Variants in FAM13A observed in about 807,000 individuals in gnomAD.
FAM13A encodes the protein protein FAM13A.
In FAM13A, 76 loss-of-function variants were observed where a neutral mutation model predicts 129.6. That is an observed-to-expected ratio of 0.59 (90% confidence interval 0.49 to 0.71). The LOEUF (loss-of-function observed/expected upper bound fraction) is 0.71, where lower values mean the gene tolerates loss of function less well. FAM13A is among the 30% of genes least tolerant of loss of function. The probability of loss-of-function intolerance (pLI) is 0.00; values close to 1 mark genes in which losing one functional copy is unlikely to be tolerated. For synonymous variants in FAM13A, 443 were observed against 449.9 expected (o/e 0.98, Z 0.20); for missense variants, 1,108 against 1,249.3 (o/e 0.89, Z 1.70).
rs1288510505 is a variant in FAM13A, at chr4:88,927,433, C to T, written c.759+10655G>A. ...ACTTACTCTACTCCAATTTGGATGTCTTTTTTTTTTTTAATCTTGCTTGAT... is the reference window on the plus strand; with the variant it reads ...ACTTACTCTACTCCAATTTGGATGTTTTTTTTTTTTTTAATCTTGCTTGAT... On this transcript the variant is annotated intron_variant, in intron 5 of 23. Transcript: ENST00000264344. Among the ~76,000 whole-genome samples the T allele has an allele frequency of 1.5e-3, 210 of 136,740 alleles. 2 individuals carry two copies. Among genetic ancestry groups the T allele is most frequent in the Middle Eastern group, 7.4e-3 (2 of 272 alleles). The allele number at this position is 136,740 out of a possible 152,430, so 89.7% of individuals were successfully genotyped here.
intron 3 of FAM13A, among the ~76,000 whole-genome samples, chr4:89,006,866 G>T (rs746782078): frequency 2.6e-5 from 4 of 152,188 alleles, no homozygotes; most frequent in Non-Finnish European, 4.4e-5. Flanking sequence ...GCTCCCTTCT[G>T]AAGTTAAGCC....
intron 6 of FAM13A, among the ~76,000 whole-genome samples, chr4:88,863,462 G>A (rs942537358): frequency 4.6e-5 from 7 of 152,172 alleles, no homozygotes; most frequent in Non-Finnish European, 7.3e-5. Flanking sequence ...AAACTGGTAA[G>A]TATGGCTAGG....
intron 3 of FAM13A, among the ~76,000 whole-genome samples, chr4:89,011,336 A>G (rs949576141): frequency 6.6e-6 from 1 of 152,212 alleles, no homozygotes; most frequent in Non-Finnish European, 1.5e-5. Flanking sequence ...AATTGTACTT[A>G]AAAATGGTTA....
intron 1 of FAM13A, among the ~76,000 whole-genome samples, chr4:89,034,702 C>G (rs974273025): frequency 6.6e-6 from 1 of 151,952 alleles, no homozygotes; most frequent in Admixed American, 6.6e-5. Flanking sequence ...GCCAACATGG[C>G]GAAACCCCAT....
At chr4:89,045,164 A>G (rs1241313494) in intron 1 of FAM13A, among the ~76,000 whole-genome samples, 3 of 152,174 alleles carry the variant, frequency 2.0e-5, no homozygotes, top group Non-Finnish European at 2.9e-5. Context: ...AAAATTCAGG[A>G]AAGAGGTGAT....
At chr4:88,923,761 G>C (rs983143497) in intron 5 of FAM13A, among the ~76,000 whole-genome samples, 48 of 152,120 alleles carry the variant, frequency 3.2e-4, no homozygotes, top group Admixed American at 2.0e-3. Context: ...GGAAGTCAAA[G>C]TGTCCCTGTT....
intron 4 of FAM13A, among the ~76,000 whole-genome samples, chr4:88,986,411 G>A (rs1762249978): frequency 1.3e-5 from 2 of 152,198 alleles, no homozygotes; most frequent in Non-Finnish European, 2.9e-5. Flanking sequence ...TGGGATTACA[G>A]GCATGAGCCA....
chr4:88,955,278 G>A (rs868433725), intron 4 of FAM13A, among the ~76,000 whole-genome samples: 13 of 151,976 alleles, frequency 8.6e-5, no homozygotes, highest in African/African-American at 2.7e-4. Flanking sequence ...CAGAGCACCA[G>A]GGAAAAGACC....
intron 6 of FAM13A, among the ~76,000 whole-genome samples, chr4:88,904,768 C>T (rs188875867): frequency 9.7e-4 from 147 of 152,196 alleles, no homozygotes; most frequent in African/African-American, 3.4e-3. Flanking sequence ...TACCTCTGAA[C>T]CTAAAATCAA....
chr4:88,874,818 A>G (rs1476742942), intron 6 of FAM13A, among the ~76,000 whole-genome samples: 4 of 152,226 alleles, frequency 2.6e-5, no homozygotes, highest in African/African-American at 4.8e-5. Context: ...ACCAAGAAAG[A>G]GCCTGCATTG....
intron 22 of FAM13A, 177 bp from the exon 23 acceptor site, chr4:88,731,605 G>A: frequency 1.8e-6 from 1 of 551,366 alleles, no homozygotes; most frequent in African/African-American, 1.9e-5. Flanking sequence ...AGCCAAACAT[G>A]CTGGCAACAG....
intron 6 of FAM13A, among the ~76,000 whole-genome samples, chr4:88,888,285 T>C (rs1479301275): frequency 6.6e-6 from 1 of 152,190 alleles, no homozygotes; most frequent in Non-Finnish European, 1.5e-5. Context: ...TAATTTCATA[T>C]AATTTTTATA....
At chr4:89,000,994 T>C (rs939850313) in intron 3 of FAM13A, among the ~76,000 whole-genome samples, 2 of 152,268 alleles carry the variant, frequency 1.3e-5, no homozygotes, top group African/African-American at 2.4e-5. Flanking sequence ...TGTTCTTATA[T>C]GGAATAATTT....
intron 1 of FAM13A, among the ~76,000 whole-genome samples, chr4:89,036,719 T>G (rs1769428324): frequency 6.6e-6 from 1 of 152,072 alleles, no homozygotes; most frequent in South Asian, 2.1e-4. Flanking sequence ...GGAAGAATGG[T>G]TTCCTGGGCC....
chr4:89,006,492 T>A (rs1311552402), intron 3 of FAM13A, among the ~76,000 whole-genome samples: 2 of 152,194 alleles, frequency 1.3e-5, no homozygotes, highest in Non-Finnish European at 2.9e-5. Flanking sequence ...AAACCCCTTG[T>A]GGGAGGAGGA....
chr4:88,987,845 A>AAAAAAAAAAAAAAAC (rs1232268574), intron 4 of FAM13A, among the ~76,000 whole-genome samples: 1 of 150,808 alleles, frequency 6.6e-6, no homozygotes, highest in Non-Finnish European at 1.5e-5. Flanking sequence ...TCTCAAAAAA[A>AAAAAAAAAAAAAAAC]AAAAAAAAAA....
intron 6 of FAM13A, among the ~76,000 whole-genome samples, chr4:88,899,603 A>G (rs948427982): frequency 3.9e-5 from 6 of 152,150 alleles, no homozygotes; most frequent in African/African-American, 1.4e-4. Context: ...TAGAAAAGTG[A>G]CAGGCTATAA....
intron 4 of FAM13A, among the ~76,000 whole-genome samples, chr4:88,947,872 C>T (rs1428248287): frequency 6.6e-6 from 1 of 152,062 alleles, no homozygotes; most frequent in East Asian, 1.9e-4. Context: ...CCTTGAGAGG[C>T]TGGTCCTCAG....
In FAM13A at chr4:88,938,258, G is replaced by T. The variant is rs751161913; in HGVS notation, c.606-17C>A. 2.5e-6 allele frequency: 4 copies of T among 1,588,022 alleles called. No individual in the cohort carries two copies. The highest frequency in any genetic ancestry group is 3.4e-6 in the Non-Finnish European group (4 of 1,169,500). On this transcript the variant is annotated splice_polypyrimidine_tract_variant and intron_variant, in intron 4 of 23. Coordinates refer to ENST00000264344, the MANE Select transcript of FAM13A (RefSeq NM_014883.4). Reference sequence around the variant, plus strand: ...GGTGGCACACTAGAAACAAGAAAGGGAAAGAGAGGAATTACTTAGTAAACA... The same window carrying T: ...GGTGGCACACTAGAAACAAGAAAGGTAAAGAGAGGAATTACTTAGTAAACA...
Sources: gnomAD v4.1 joint callset for allele counts (sites outside exome capture counted in the v4.1 genomes callset) on GRCh38, gnomAD v4.1.1 for gene constraint, MANE v1.5 for transcripts, NCBI Gene and HGNC (gene_info 2026-07-23, HGNC 2026-07-21) for gene names.